SYNE2: variants seen among roughly 807,000 people sequenced by gnomAD.
SYNE2 encodes nesprin-2.
A neutral mutation model predicts 856.3 loss-of-function variants in SYNE2; 431 were observed. The ratio of observed to expected loss-of-function variants is 0.50; its 90% CI spans 0.47 to 0.55. The LOEUF (loss-of-function observed/expected upper bound fraction) is 0.55, where lower values mean the gene tolerates loss of function less well. SYNE2 is among the 20% of genes least tolerant of loss of function. The probability of loss-of-function intolerance (pLI) is 0.00; values close to 1 mark genes in which losing one functional copy is unlikely to be tolerated. For missense variants in SYNE2, 8,129 were observed against 8,023.2 expected (o/e 1.01, Z -0.50); for synonymous variants, 2,923 against 2,872.3 (o/e 1.02, Z -0.56).
chr14:64,100,537 T>A (rs71416324), intron 63 of SYNE2, among the ~76,000 whole-genome samples: 2,712 of 52,022 alleles, frequency 0.052, 112 homozygotes, highest in African/African-American at 0.12. Context: ...AAAAAATATA[T>A]ATATATATAT....
chr14:63,814,985 C>T (rs963402570), intron 1 of SYNE2, among the ~76,000 whole-genome samples: 4 of 137,510 alleles, frequency 2.9e-5, no homozygotes, highest in African/African-American at 5.3e-5. Flanking sequence ...CATATATATC[C>T]ATATATACAT....
At chr14:63,867,115 T>A (rs1226566492) in intron 1 of SYNE2, among the ~76,000 whole-genome samples, 2 of 152,132 alleles carry the variant, frequency 1.3e-5, no homozygotes, top group African/African-American at 4.8e-5. Flanking sequence ...GTCCAAACCA[T>A]ACAGCAAGTT....
At chr14:63,835,191 T>C (rs1889807886) in intron 1 of SYNE2, among the ~76,000 whole-genome samples, 1 of 152,116 alleles carries the variant, frequency 6.6e-6, no homozygotes, top group Non-Finnish European at 1.5e-5. Context: ...TAATACAGGA[T>C]TTTATAAAAA....
intron 45 of SYNE2, among the ~76,000 whole-genome samples, chr14:64,038,587 C>T (rs1443143465): frequency 1.3e-5 from 2 of 152,248 alleles, no homozygotes; most frequent in African/African-American, 4.8e-5. Flanking sequence ...CGTCTGCAAT[C>T]CCGGCACCTC....
chr14:63,811,952 GA>G (rs1888629004), intron 1 of SYNE2, among the ~76,000 whole-genome samples: 1 of 152,150 alleles, frequency 6.6e-6, no homozygotes, highest in African/African-American at 2.4e-5. Context: ...GGCAAAGGGT[GA>G]AATAAAAAAC....
chr14:64,081,729 G>A lies in SYNE2; in HGVS notation c.11484+149G>A, dbSNP rs565557395. On this transcript the variant is annotated intron_variant, in intron 57 of 115. Transcript: ENST00000555002. ...TGGCAGAAGGAAGCTTGAGAGAGTG[G>A]CAAGCAGTAGACATGGATTTTGGAG... 1.0e-5 allele frequency: 9 copies of A among 859,970 alleles called. No individual in the cohort carries two copies. The East Asian group carries it at 1.8e-4, about 17-fold the overall frequency. The allele number at this position is 859,970 out of a possible 1,614,324, so 53.3% of individuals were successfully genotyped here.
intron 45 of SYNE2, among the ~76,000 whole-genome samples, chr14:64,043,533 A>T (rs1194628380): frequency 2.6e-5 from 4 of 151,974 alleles, no homozygotes; most frequent in Non-Finnish European, 5.9e-5. Context: ...CTGGGCCCAG[A>T]GTCCTTTTGC....
intron 95 of SYNE2, among the ~76,000 whole-genome samples, chr14:64,176,603 A>T (rs2067744805): frequency 6.6e-6 from 1 of 152,100 alleles, no homozygotes; most frequent in South Asian, 2.1e-4. Flanking sequence ...AAAAGAAGAC[A>T]AGGAAGGTGG....
At chr14:63,978,078 C>T in intron 13 of SYNE2, 61 bp downstream of exon 13, 1 of 1,037,328 alleles carries the variant, frequency 9.6e-7, no homozygotes, top group South Asian at 1.3e-5. Flanking sequence ...ACAACTGATA[C>T]TACAGGGACC....
chr14:64,026,635 G>A lies in SYNE2; in HGVS notation c.6309G>A (p.Gln2103=), dbSNP rs1455147642. ...GDARIETIMK[Q]AESSEAPLVQ... is the part of the protein sequence containing the mutation. ...CCAGAATAGAGACCATCATGAAGCAGGCTGAGAGCAGCGAGGCCCCGCTGG... is the reference window on the plus strand; with the variant it reads ...CCAGAATAGAGACCATCATGAAGCAAGCTGAGAGCAGCGAGGCCCCGCTGG... Residue 2103 remains glutamine, a synonymous_variant, in exon 42 of 116, where the codon CAG becomes CAA. Transcript: ENST00000555002. 2 of 1,613,796 alleles carry A rather than the reference G, an allele frequency of 1.2e-6. No individual in the cohort carries two copies. The highest frequency in any genetic ancestry group is 8.5e-7 in the Non-Finnish European group (1 of 1,179,834).
chr14:63,914,177 C>A (rs1337915196), intron 2 of SYNE2, among the ~76,000 whole-genome samples: 2 of 152,098 alleles, frequency 1.3e-5, no homozygotes, highest in African/African-American at 4.8e-5. Context: ...CTGAGCCCTT[C>A]GGGTGGGAAA....
chr14:64,222,476 G>A (rs758502051), intron 112 of SYNE2, among the ~76,000 whole-genome samples: 2 of 152,170 alleles, frequency 1.3e-5, no homozygotes, highest in East Asian at 1.9e-4. Context: ...AGCCTGAGAC[G>A]GGCGGATCGC....
intron 99 of SYNE2, among the ~76,000 whole-genome samples, chr14:64,194,158 T>C (rs1009301968): frequency 3.3e-5 from 5 of 152,208 alleles, no homozygotes; most frequent in Non-Finnish European, 7.3e-5. Context: ...TATATATATG[T>C]TTGGTGATTG....
chr14:64,172,706 A>G (rs1231841695), intron 94 of SYNE2, among the ~76,000 whole-genome samples: 1 of 152,090 alleles, frequency 6.6e-6, no homozygotes, highest in African/African-American at 2.4e-5. Flanking sequence ...CCGAGGTGGG[A>G]GGATCCCTTG....
chr14:64,060,033 A>G (rs11622858), intron 49 of SYNE2, among the ~76,000 whole-genome samples: 138,469 of 152,112 alleles, frequency 0.91, 63,134 homozygotes, highest in Non-Finnish European at 0.94. Flanking sequence ...GCCAGGCCTG[A>G]GACTCACCAT....
chr14:64,021,775 C>A, intron 36 of SYNE2, 82 bp from the exon 37 acceptor site: 1 of 1,489,368 alleles, frequency 6.7e-7, no homozygotes, highest in Non-Finnish European at 9.3e-7. Flanking sequence ...GAGATTTTTA[C>A]AAAACAATTG....
At chr14:63,779,923 A>C (rs1360204157) in intron 1 of SYNE2, among the ~76,000 whole-genome samples, 1 of 152,158 alleles carries the variant, frequency 6.6e-6, no homozygotes, top group Non-Finnish European at 1.5e-5. Context: ...AAAATAAATA[A>C]ACAATAAAAT....
At chr14:63,913,837 T>TTTAATTTAATTTTAAA (rs2095503223) in intron 2 of SYNE2, among the ~76,000 whole-genome samples, 3 of 145,722 alleles carry the variant, frequency 2.1e-5, no homozygotes, top group African/African-American at 5.1e-5. Context: ...CTGTTTAAAA[T>TTTAATTTAATTTTAAA]TTTTTAAATT....
intron 66 of SYNE2, among the ~76,000 whole-genome samples, chr14:64,118,465 T>G (rs1005857995): frequency 6.6e-6 from 1 of 152,220 alleles, no homozygotes; most frequent in African/African-American, 2.4e-5. Context: ...GAGGCTTATT[T>G]GTCTTGAGAA....
Sources: gnomAD v4.1 joint callset for allele counts (sites outside exome capture counted in the v4.1 genomes callset) on GRCh38, gnomAD v4.1.1 for gene constraint, MANE v1.5 for transcripts, NCBI Gene and HGNC (gene_info 2026-07-23, HGNC 2026-07-21) for gene names.